RIF1: variants seen among roughly 807,000 people sequenced by gnomAD.
The protein encoded by RIF1 is telomere-associated protein RIF1.
RIF1 carries 45 observed loss-of-function variants against 247.1 expected under a neutral mutation model. That is an observed-to-expected ratio of 0.18 (90% confidence interval 0.14 to 0.23). The LOEUF is 0.23. RIF1 is among the 10% of genes least tolerant of loss of function. The probability of loss-of-function intolerance (pLI) is 1.00; values close to 1 mark genes in which losing one functional copy is unlikely to be tolerated. For missense variants in RIF1, 2,967 were observed against 2,862.5 expected (o/e 1.04, Z -0.83); for synonymous variants, 1,087 against 978.8 (o/e 1.11, Z -2.06).
chr2:151,413,333 A>G (rs986311409), intron 3 of RIF1, among the ~76,000 whole-genome samples: 3 of 152,066 alleles, frequency 2.0e-5, no homozygotes, highest in Non-Finnish European at 4.4e-5. Context: ...TACTGCATAC[A>G]TTTTGAGTCA....
intron 34 of RIF1, among the ~76,000 whole-genome samples, chr2:151,471,123 C>T (rs1015284767): frequency 2.0e-5 from 3 of 152,022 alleles, no homozygotes; most frequent in African/African-American, 7.2e-5. Flanking sequence ...ATAGATTTGC[C>T]TATTCTGGAT....
At chr2:151,472,582 T>C (rs952882612) in intron 34 of RIF1, among the ~76,000 whole-genome samples, 6 of 151,996 alleles carry the variant, frequency 3.9e-5, no homozygotes, top group African/African-American at 1.4e-4. Flanking sequence ...TAGCATGAAG[T>C]GTTGTTGAAT....
chr2:151,491,316 TC>T (rs771473871), intron 9 of RIF1: 23 of 177,990 alleles, frequency 1.3e-4, no homozygotes, highest in Middle Eastern at 2.7e-3. Context: ...TGAATAAACT[TC>T]CTTGATGCAA....
chr2:151,524,654 C>CT, the RIF1 span: 5,191 of 256,498 alleles, frequency 0.02, 155 homozygotes, highest in South Asian at 0.033. Flanking sequence ...AAGAGAGAGG[C>CT]TTTTTTTTTT....
chr2:151,483,817 G>A (rs528955125), downstream of RIF1, among the ~76,000 whole-genome samples: 13 of 152,104 alleles, frequency 8.5e-5, no homozygotes, highest in Non-Finnish European at 1.5e-4. Flanking sequence ...ACTGGCCGCA[G>A]TAAATTCTTC....
chr2:151,462,905 A>G lies in RIF1; in HGVS notation c.3385A>G (p.Ile1129Val), dbSNP rs771551304. The G allele has an allele frequency of 1.1e-5, 18 of 1,607,324 alleles. 1 individual carries two copies. Among genetic ancestry groups the G allele is most frequent in the African/African-American group, 2.7e-5 (2 of 74,488 alleles). Residue 1129 changes from isoleucine (I) to valine (V), a missense_variant, in exon 30 of 36, where the codon ATT (isoleucine) becomes GTT (valine). Transcript: ENST00000444746. Reference protein sequence around the residue: ...MITEEQMDSDIVIPQDVTEDC... With the variant: ...MITEEQMDSDVVIPQDVTEDC... ...GCAGGAGGAGCAAATGGACAGTGAC[A>G]TTGTCATTCCTCAAGATGTCACGGA...
At position 151,424,863 on chromosome 2, in the gene RIF1, T is replaced by G. The variant is rs1245624002; in HGVS notation, c.786+1821T>G. 1.2e-4 allele frequency among the ~76,000 whole-genome samples: 17 copies of G among 143,850 alleles called. No homozygotes were observed. In the East Asian group the frequency reaches 3.4e-3, roughly 29 times the overall value. The allele number at this position is 143,850 out of a possible 152,430, so 94.4% of individuals were successfully genotyped here. ...TTTTTTTTTTTTTTTTTTTCCATAT[T>G]TTTTGTAGAGACTGGGTTTTGCCGT... On this transcript the variant is annotated intron_variant, in intron 8 of 35. Transcript: ENST00000444746.
chr2:151,456,519 T>C, intron 22 of RIF1, 59 bp from the exon 23 acceptor site: 2 of 873,798 alleles, frequency 2.3e-6, no homozygotes, highest in Middle Eastern at 2.2e-4. Context: ...ATTAGCTTGA[T>C]AGATAGTACA....
chr2:151,490,851 A>G (rs2152787488), intron 9 of RIF1, among the ~76,000 whole-genome samples: 1 of 152,316 alleles, frequency 6.6e-6, no homozygotes, highest in Non-Finnish European at 1.5e-5. Flanking sequence ...TTCAGACTCC[A>G]TCTTTAACTT....
At chr2:151,518,160 T>G in the RIF1 span, among the ~76,000 whole-genome samples, 1 of 152,346 alleles carries the variant, frequency 6.6e-6, no homozygotes, top group South Asian at 2.1e-4. Flanking sequence ...TTGTTGTAAT[T>G]TATAACATAA....
chr2:151,429,426 C>G (rs1233915497), intron 9 of RIF1, among the ~76,000 whole-genome samples: 1 of 152,160 alleles, frequency 6.6e-6, no homozygotes, highest in Non-Finnish European at 1.5e-5. Flanking sequence ...AGTGATCCGC[C>G]CTCCTTGGCC....
chr2:151,440,318 A>G lies in RIF1; in HGVS notation c.1647+191A>G, dbSNP rs577094055. Reference sequence around the variant, plus strand: ...ATTTGAAACCTTTTTAATAGTGACTATAACAACAGCCACAAAAGTCTTCAA... The same window carrying G: ...ATTTGAAACCTTTTTAATAGTGACTGTAACAACAGCCACAAAAGTCTTCAA... On this transcript the variant is annotated intron_variant, in intron 15 of 35. Transcript: ENST00000444746. Among the ~76,000 whole-genome samples the G allele has an allele frequency of 3.1e-4, 47 of 152,326 alleles. 1 individual carries two copies. The highest frequency in any genetic ancestry group is 3.4e-3 in the Middle Eastern group (1 of 294).
the RIF1 span, chr2:151,532,242 CA>C: frequency 5.1e-6 from 1 of 197,730 alleles, no homozygotes; most frequent in Non-Finnish European, 1.0e-5. Context: ...ATGTTTTATA[CA>C]CATGTACTCG....
exon 13 of RIF1, chr2:151,506,242 T>A (rs766909197): frequency 6.2e-7 from 1 of 1,613,084 alleles, no homozygotes; most frequent in East Asian, 2.2e-5. Context: ...TGGTGAGACA[T>A]CCTCTTTATA....
In RIF1 at chr2:151,506,424, C is replaced by T. The variant is rs571984726; in HGVS notation, c.*1027+49C>T. The T allele has an allele frequency of 6.1e-4, 364 of 601,508 alleles. 2 individuals carry two copies. The African/African-American group carries it at 6.2e-3, about 10-fold the overall frequency. The allele number at this position is 601,508 out of a possible 1,614,324, so 37.3% of individuals were successfully genotyped here. A position where few individuals can be genotyped will look rare whatever the true frequency, so the allele number is the denominator to read the frequency against. ...GACATTTCCATGTCAGTATCAGTGA[C>T]TCAGACCAGTTATACAACATGGATC... On this transcript the variant is annotated intron_variant and NMD_transcript_variant, in intron 13 of 13. Coordinates refer to the RIF1 transcript ENST00000454583.
downstream of RIF1, chr2:151,485,789 G>A (rs761066364): frequency 6.2e-7 from 1 of 1,612,200 alleles, no homozygotes; most frequent in Non-Finnish European, 8.5e-7. Flanking sequence ...TTGGCTGGGA[G>A]CATTCCGGTC....
chr2:151,503,450 A>G, intron 12 of RIF1: 1 of 1,552,768 alleles, frequency 6.4e-7, no homozygotes, highest in East Asian at 2.2e-5. Context: ...ACCTGTAGAA[A>G]ATAATTAGAA....
chr2:151,465,861 A>T lies in RIF1; in HGVS notation c.6341A>T (p.His2114Leu). Residue 2114 changes from histidine to leucine, a missense_variant, in exon 30 of 36, where the codon CAC becomes CTC. His to Leu is a moderately conservative substitution (Grantham distance 99, BLOSUM62 -3). Coordinates refer to ENST00000444746, the MANE Select transcript of RIF1 (RefSeq NM_018151.5). ...GAAAGTGATATTTTACAGGAAGATC[A>T]CCATACTTCACAGAAAGTGGAGGAA... Reference protein sequence around the residue: ...VMESDILQEDHHTSQKVEEPS... With the variant: ...VMESDILQEDLHTSQKVEEPS... 1 of 1,613,430 alleles carries T rather than the reference A, an allele frequency of 6.2e-7. No homozygotes were observed. Among genetic ancestry groups the T allele is most frequent in the Non-Finnish European group, 8.5e-7 (1 of 1,179,314 alleles).
At position 151,475,839 on chromosome 2, in the gene RIF1, G is replaced by C. The variant is rs1320989250; in HGVS notation, c.*768G>C. 6.6e-6 allele frequency: 1 copy of C among 152,482 alleles called. No homozygotes were observed. Among genetic ancestry groups the C allele is most frequent in the Non-Finnish European group, 1.5e-5 (1 of 67,978 alleles). The allele number at this position is 152,482 out of a possible 1,614,324, so 9.4% of individuals were successfully genotyped here. On this transcript the variant is annotated 3_prime_UTR_variant, in exon 36 of 36. Transcript: ENST00000444746. ...TGTTAATTGCATGGGTTTTTCTGCA[G>C]CTTATTGTGAATACCTTGGTTCTGT...
Sources: allele counts gnomAD v4.1 joint callset (sites outside exome capture counted in the v4.1 genomes callset), GRCh38; gene constraint gnomAD v4.1.1; transcripts MANE v1.5; gene names NCBI Gene and HGNC (gene_info 2026-07-23, HGNC 2026-07-21).